Variants in MIPEP observed in about 807,000 individuals in gnomAD.
The protein encoded by MIPEP is mitochondrial intermediate peptidase.
Under a neutral mutation model 90.3 loss-of-function variants are expected in MIPEP, and 79 were observed. That is an observed-to-expected ratio of 0.87 (90% CI 0.73 to 1.05). MIPEP has a LOEUF of 1.05. MIPEP is among the 50% of genes least tolerant of loss of function. The pLI is 0.00. For missense variants in MIPEP, 940 were observed against 905.6 expected, an observed-to-expected ratio of 1.04 and a Z score of -0.49; for synonymous variants, 334 against 315.8, an observed-to-expected ratio of 1.06 and a Z score of -0.61.
rs573457288 is a variant in MIPEP at position 23,880,351 on chromosome 13, C to G, written c.453-997G>C. Reference sequence around the variant, plus strand: ...CCTACCTCCTCCCAACCTGCTCACCCACGGAGCCACTCCATGGCAAAGGAA... The same window carrying G: ...CCTACCTCCTCCCAACCTGCTCACCGACGGAGCCACTCCATGGCAAAGGAA... On this transcript the variant is annotated intron_variant, in intron 3 of 18. Transcript: ENST00000382172. Among the ~76,000 whole-genome samples the G allele has an allele frequency of 8.7e-4, 132 of 152,264 alleles. 1 individual carries two copies. The highest frequency in any genetic ancestry group is 3.1e-3 in the African/African-American group (130 of 41,550).
chr13:23,761,972 A>C (rs1384415737), intron 16 of MIPEP, among the ~76,000 whole-genome samples: 1 of 152,122 alleles, frequency 6.6e-6, no homozygotes, highest in African/African-American at 2.4e-5. Flanking sequence ...TAAACATACA[A>C]AAATTAGCCA....
chr13:23,795,827 C>CAGTGAAACCTCATCTCTACCA (rs1952952230), intron 16 of MIPEP, among the ~76,000 whole-genome samples: 1 of 133,606 alleles, frequency 7.5e-6, no homozygotes, highest in African/African-American at 2.8e-5. Flanking sequence ...TCATCTCTAC[C>CAGTGAAACCTCATCTCTACCA]AAAAAAAAAA....
At chr13:23,767,960 G>A (rs1952608547) in intron 16 of MIPEP, among the ~76,000 whole-genome samples, 1 of 152,172 alleles carries the variant, frequency 6.6e-6, no homozygotes, top group African/African-American at 2.4e-5. Context: ...GGCAGTGACT[G>A]CATTTCCCAG....
intron 14 of MIPEP, among the ~76,000 whole-genome samples, chr13:23,816,162 C>G (rs1020355789): frequency 6.6e-6 from 1 of 152,160 alleles, no homozygotes; most frequent in Non-Finnish European, 1.5e-5. Context: ...GCTTGGGATT[C>G]TTGAAGCTTC....
chr13:23,869,268 T>A, intron 7 of MIPEP, 24 bp downstream of exon 7: 1 of 1,552,606 alleles, frequency 6.4e-7, no homozygotes, highest in Admixed American at 2.2e-5. Context: ...ATTTTGCCCT[T>A]AAATGTTGGA....
Position 23,851,639 on chromosome 13 carries a change from T to G in MIPEP, c.1106+7221A>C, listed in dbSNP as rs114263794. Among the ~76,000 whole-genome samples the G allele has an allele frequency of 4.3e-3, 655 of 152,244 alleles. 2 individuals are homozygous for G. The highest frequency in any genetic ancestry group is 0.015 in the African/African-American group (628 of 41,552). On this transcript the variant is annotated intron_variant, in intron 10 of 18. Coordinates refer to ENST00000382172, the MANE Select transcript of MIPEP (RefSeq NM_005932.4). ...ATCCTGTCAGCATCAATCTACCTAG[T>G]GGTCCATCTTCACATCACCCTCTGT...
intron 14 of MIPEP, among the ~76,000 whole-genome samples, chr13:23,823,790 T>C (rs1953336350): frequency 1.3e-5 from 2 of 152,218 alleles, no homozygotes; most frequent in Non-Finnish European, 2.9e-5. Flanking sequence ...ATTGCACCAC[T>C]GCACTCTAGC....
At chr13:23,862,595 C>T (rs542766010) in intron 8 of MIPEP, among the ~76,000 whole-genome samples, 1 of 152,284 alleles carries the variant, frequency 6.6e-6, no homozygotes, top group East Asian at 1.9e-4. Context: ...GGATAAATGT[C>T]TCAAGAGTAC....
chr13:23,758,040 A>G (rs1236178662), intron 17 of MIPEP, among the ~76,000 whole-genome samples: 1 of 152,200 alleles, frequency 6.6e-6, no homozygotes, highest in Non-Finnish European at 1.5e-5. Context: ...TACAGTATCA[A>G]AAACATGCTG....
At chr13:23,840,911 T>G (rs1235592336) in intron 11 of MIPEP, among the ~76,000 whole-genome samples, 1 of 152,166 alleles carries the variant, frequency 6.6e-6, no homozygotes, top group Non-Finnish European at 1.5e-5. Flanking sequence ...AACACGGACG[T>G]AAATTAATAT....
At chr13:23,885,385 C>A (rs564633764) in intron 2 of MIPEP, among the ~76,000 whole-genome samples, 1 of 152,184 alleles carries the variant, frequency 6.6e-6, no homozygotes, top group South Asian at 2.1e-4. Flanking sequence ...TTCGATAGCA[C>A]AACAGGGTGA....
chr13:23,829,666 G>T (rs903001431), intron 14 of MIPEP, among the ~76,000 whole-genome samples: 1 of 152,124 alleles, frequency 6.6e-6, no homozygotes, highest in South Asian at 2.1e-4. Flanking sequence ...AATAAGCCAG[G>T]TGTAGTGGCA....
At chr13:23,865,067 AT>A (rs1381504012) in intron 7 of MIPEP, among the ~76,000 whole-genome samples, 1 of 152,138 alleles carries the variant, frequency 6.6e-6, no homozygotes. Flanking sequence ...TTTTTAAAGT[AT>A]TTTTATTAAA....
intron 16 of MIPEP, among the ~76,000 whole-genome samples, chr13:23,799,493 A>T (rs370673071): frequency 1.3e-5 from 2 of 150,998 alleles, no homozygotes; most frequent in East Asian, 2.0e-4. Context: ...CGCCTGGCTA[A>T]TTTTTTGTAT....
intron 11 of MIPEP, among the ~76,000 whole-genome samples, chr13:23,840,864 G>A (rs563810047): frequency 9.9e-5 from 15 of 152,258 alleles, no homozygotes; most frequent in African/African-American, 3.1e-4. Flanking sequence ...ATGATTGCTA[G>A]GTTTGAAGTT....
At chr13:23,833,375 A>G (rs770911589) in intron 14 of MIPEP, among the ~76,000 whole-genome samples, 1 of 152,196 alleles carries the variant, frequency 6.6e-6, no homozygotes, top group Non-Finnish European at 1.5e-5. Context: ...GAGAATCACA[A>G]AATTTTAGAT....
chr13:23,799,662 T>C (rs559064043), intron 16 of MIPEP, among the ~76,000 whole-genome samples: 20 of 152,314 alleles, frequency 1.3e-4, no homozygotes, highest in African/African-American at 4.8e-4. Context: ...ACGGTGTCAC[T>C]ATAATATGCC....
chr13:23,794,826 A>G (rs1952939080), intron 16 of MIPEP, among the ~76,000 whole-genome samples: 1 of 152,242 alleles, frequency 6.6e-6, no homozygotes, highest in Admixed American at 6.5e-5. Context: ...CTGAAACCAT[A>G]TAAATTTTTA....
At chr13:23,734,216 G>C (rs1484986739) in intron 18 of MIPEP, among the ~76,000 whole-genome samples, 1 of 152,172 alleles carries the variant, frequency 6.6e-6, no homozygotes, top group Non-Finnish European at 1.5e-5. Flanking sequence ...TTGAGGGGTT[G>C]CCTCTCTCAG....
Sources: gnomAD v4.1 joint callset for allele counts (sites outside exome capture counted in the v4.1 genomes callset) on GRCh38, gnomAD v4.1.1 for gene constraint, MANE v1.5 for transcripts, NCBI Gene and HGNC (gene_info 2026-07-23, HGNC 2026-07-21) for gene names.